The following DMGDH variants were observed in gnomAD, a reference collection of about 807,000 sequenced individuals.
The protein encoded by DMGDH is dimethylglycine dehydrogenase, mitochondrial.
Under a neutral mutation model 95.2 loss-of-function variants are expected in DMGDH, and 76 were observed. The ratio of observed to expected loss-of-function variants is 0.80; its 90% CI spans 0.66 to 0.97. DMGDH has a LOEUF of 0.97. Among genes scored for constraint, DMGDH ranks in the 50% least tolerant of loss-of-function variants. The pLI, the probability that DMGDH is intolerant of heterozygous loss-of-function variation, is 0.00. For missense variants in DMGDH, 987 were observed against 1,055.0 expected, an observed-to-expected ratio of 0.94 and a Z score of 0.89; for synonymous variants, 345 against 377.6, an observed-to-expected ratio of 0.91 and a Z score of 1.00.
intron 7 of DMGDH, 76 bp downstream of exon 7, chr5:79,042,207 T>A: frequency 7.3e-7 from 1 of 1,376,760 alleles, no homozygotes; most frequent in Non-Finnish European, 1.0e-6. Context: ...CCCTTTTGCA[T>A]CCTGAGAATA....
At chr5:79,040,269 T>C (rs1348010393) in intron 7 of DMGDH, among the ~76,000 whole-genome samples, 2 of 152,162 alleles carry the variant, frequency 1.3e-5, no homozygotes, top group African/African-American at 2.4e-5. Context: ...ATTGGAGAAT[T>C]GGTTGTTGGT....
chr5:79,069,165 TGC>T (rs5868949), intron 1 of DMGDH, among the ~76,000 whole-genome samples: 61,472 of 151,686 alleles, frequency 0.41, 14,955 homozygotes, highest in East Asian at 0.64. Context: ...AGTCAGTGTG[TGC>T]TGATATGGAA....
intron 14 of DMGDH, among the ~76,000 whole-genome samples, chr5:79,015,906 A>G (rs1194071093): frequency 6.6e-6 from 1 of 152,262 alleles, no homozygotes; most frequent in Non-Finnish European, 1.5e-5. Flanking sequence ...TTATCTCAGT[A>G]GATGTGGAAA....
chr5:79,005,488 C>A, intron 14 of DMGDH, 81 bp from the exon 15 acceptor site: 1 of 1,585,242 alleles, frequency 6.3e-7, no homozygotes. Flanking sequence ...TTAAATTTGT[C>A]TTTCCTATTT....
At chr5:78,998,337 C>G (rs1340949233) in intron 15 of DMGDH, 40 bp from the exon 16 acceptor site, 8 of 1,570,144 alleles carry the variant, frequency 5.1e-6, no homozygotes, top group Non-Finnish European at 7.0e-6. Context: ...ATCTTGGTCA[C>G]AGCTCTGTGC....
chr5:79,014,706 C>G (rs1436523435), intron 14 of DMGDH, among the ~76,000 whole-genome samples: 1 of 152,140 alleles, frequency 6.6e-6, no homozygotes, highest in African/African-American at 2.4e-5. Context: ...TGTTCTTTAT[C>G]TCATCTAATA....
chr5:79,011,546 T>C (rs1478004233), intron 14 of DMGDH, among the ~76,000 whole-genome samples: 1 of 152,228 alleles, frequency 6.6e-6, no homozygotes, highest in Non-Finnish European at 1.5e-5. Context: ...TGCATTGCTA[T>C]AAAGAAATAC....
intron 14 of DMGDH, among the ~76,000 whole-genome samples, chr5:79,009,536 T>C (rs1385306920): frequency 6.6e-6 from 1 of 152,034 alleles, no homozygotes; most frequent in Non-Finnish European, 1.5e-5. Flanking sequence ...ATTTCTGTAT[T>C]TTGGATAGAG....
chr5:79,061,198 G>T (rs1755197455), intron 2 of DMGDH, among the ~76,000 whole-genome samples: 1 of 149,900 alleles, frequency 6.7e-6, no homozygotes, highest in Non-Finnish European at 1.5e-5. Context: ...CAGCCTGGGT[G>T]ACAGAGTGAA....
chr5:78,998,174 T>G lies in DMGDH; in HGVS notation c.2509A>C (p.Asn837His), dbSNP rs1753392924. The G allele has an allele frequency of 6.2e-7, 1 of 1,614,080 alleles. No individual in the cohort carries two copies. Among genetic ancestry groups the G allele is most frequent in the African/African-American group, 1.3e-5 (1 of 74,928 alleles). The stretch of plus-strand genomic sequence containing the variant: ...TCTTGTATGATGACTGCTGGGTAAT[T>G]TTTGCCTAATAGTTCAACTTCCACT... ...QQVEVELLGK[N>H]YPAVIIQEPL... Residue 837 changes from asparagine (N) to histidine (H), a missense_variant, in exon 16 of 16, where the codon AAT becomes CAT. Coordinates refer to ENST00000255189, the MANE Select transcript of DMGDH (RefSeq NM_013391.3).
chr5:79,020,412 A>C (rs1753835628), intron 14 of DMGDH, among the ~76,000 whole-genome samples: 3 of 152,162 alleles, frequency 2.0e-5, no homozygotes, highest in Admixed American at 2.0e-4. Context: ...CCACTATATT[A>C]ACAATTTCTT....
At chr5:79,056,013 A>G in intron 2 of DMGDH, 105 bp from the exon 3 acceptor site, 1 of 760,816 alleles carries the variant, frequency 1.3e-6, no homozygotes, top group Non-Finnish European at 2.3e-6. Context: ...GAAACTGAGA[A>G]GCACCAGCCA....
chr5:79,044,165 C>A lies in DMGDH; in HGVS notation c.994+139G>T. On this transcript the variant is annotated intron_variant, in intron 6 of 15. Transcript: ENST00000255189. ...AGGGATACGAGAACAGAGCTCACCT[C>A]AAACCTGTCACCTCCAATGTCCCAG... is the stretch of plus-strand genomic sequence containing the variant. 2.4e-6 allele frequency: 3 copies of A among 1,245,336 alleles called. No homozygotes were observed. In the East Asian group the frequency reaches 7.0e-5, roughly 29 times the overall value. 77.1% of individuals were successfully genotyped at this position (1,245,336 alleles called of 1,614,324 possible).
chr5:79,009,342 CTTCTT>C (rs201648827), intron 14 of DMGDH, among the ~76,000 whole-genome samples: 115 of 143,488 alleles, frequency 8.0e-4, no homozygotes, highest in Non-Finnish European at 1.3e-3. Flanking sequence ...TACTTTCTTT[CTTCTT>C]TTCTTTTCTT....
chr5:79,030,253 T>C (rs1056683918), intron 10 of DMGDH, among the ~76,000 whole-genome samples: 1 of 152,192 alleles, frequency 6.6e-6, no homozygotes, highest in Non-Finnish European at 1.5e-5. Context: ...AAAAAGCTCT[T>C]CTTCATTTAA....
intron 13 of DMGDH, among the ~76,000 whole-genome samples, chr5:79,026,060 A>C (rs941484062): frequency 1.3e-5 from 2 of 152,246 alleles, no homozygotes; most frequent in Non-Finnish European, 2.9e-5. Flanking sequence ...AGGAGTGTTA[A>C]TTCACCAAAA....
At chr5:78,998,355 C>G in intron 15 of DMGDH, 58 bp from the exon 16 acceptor site, 1 of 1,528,324 alleles carries the variant, frequency 6.5e-7, no homozygotes, top group Non-Finnish European at 8.9e-7. Context: ...TGCTCCTCAT[C>G]TCTGGGTGAA....
chr5:79,054,416 C>T (rs1754963419), intron 3 of DMGDH, 68 bp from the exon 4 acceptor site: 1 of 1,481,198 alleles, frequency 6.8e-7, no homozygotes, highest in Non-Finnish European at 9.4e-7. Context: ...TGGTTCTGCT[C>T]CAGTATAATG....
chr5:79,011,071 C>CAGTA (rs1384350098), intron 14 of DMGDH, among the ~76,000 whole-genome samples: 2 of 152,164 alleles, frequency 1.3e-5, no homozygotes, highest in African/African-American at 4.8e-5. Context: ...CTCAGTTGTG[C>CAGTA]AGTACCCTGT....
Sources: gnomAD v4.1 joint callset for allele counts (sites outside exome capture counted in the v4.1 genomes callset) on GRCh38, gnomAD v4.1.1 for gene constraint, MANE v1.5 for transcripts, NCBI Gene and HGNC (gene_info 2026-07-23, HGNC 2026-07-21) for gene names.